Variants in CXCL17 observed in about 807,000 individuals in gnomAD.
CXCL17 encodes C-X-C motif chemokine ligand 17, also known as C-X-C motif chemokine 17.
In CXCL17, 9 loss-of-function variants were observed where a neutral mutation model predicts 15.5. That is an observed-to-expected ratio of 0.58 (90% CI 0.35 to 1.01). The LOEUF (loss-of-function observed/expected upper bound fraction) is 1.01, where lower values mean the gene tolerates loss of function less well. Ranked by LOEUF, CXCL17 falls within the 50% of genes least tolerant of loss-of-function variation. The pLI, the probability that CXCL17 is intolerant of heterozygous loss-of-function variation, is 0.02. For synonymous variants in CXCL17, 52 were observed against 52.3 expected (o/e 0.99, Z 0.02); for missense variants, 133 against 138.2 (o/e 0.96, Z 0.19).
At chr19:42,442,378 T>C (rs2147707395) in intron 1 of CXCL17, among the ~76,000 whole-genome samples, 1 of 151,872 alleles carries the variant, frequency 6.6e-6, no homozygotes, top group Middle Eastern at 3.4e-3. Flanking sequence ...GGACTACAGG[T>C]GCGTGCCACC....
intron 3 of CXCL17, among the ~76,000 whole-genome samples, chr19:42,431,874 C>G (rs2040784981): frequency 6.6e-6 from 1 of 151,804 alleles, no homozygotes; most frequent in Non-Finnish European, 1.5e-5. Context: ...TTAGTTTTTC[C>G]CAATTTGCCT....
At chr19:42,439,463 GAAA>G (rs56988688) in intron 1 of CXCL17, among the ~76,000 whole-genome samples, 1 of 147,540 alleles carries the variant, frequency 6.8e-6, no homozygotes, top group South Asian at 2.1e-4. Context: ...TGAATAACAA[GAAA>G]AAAAAAAGTA....
At chr19:42,432,141 G>GTTTTTTTTTTTTTTTTTTTTTTTTTTTT (rs370344388) in intron 3 of CXCL17, among the ~76,000 whole-genome samples, 1 of 108,622 alleles carries the variant, frequency 9.2e-6, no homozygotes. Flanking sequence ...TGCCAATTTA[G>GTTTTTTTTTTTTTTTTTTTTTTTTTTTT]TTTTTTTTTT....
chr19:42,438,308 A>C (rs1221971826), intron 1 of CXCL17, among the ~76,000 whole-genome samples: 26 of 133,274 alleles, frequency 2.0e-4, no homozygotes, highest in African/African-American at 6.3e-4. Context: ...CAGTGAGCCG[A>C]GATTGCACCA....
intron 3 of CXCL17, among the ~76,000 whole-genome samples, chr19:42,430,594 CA>C (rs537870150): frequency 0.11 from 9,000 of 85,146 alleles, 854 homozygotes; most frequent in African/African-American, 0.31. Context: ...AACTCCATCT[CA>C]AAAAAAAAAA....
At chr19:42,442,229 CTTT>C (rs10527944) in intron 1 of CXCL17, among the ~76,000 whole-genome samples, 2,643 of 121,628 alleles carry the variant, frequency 0.022, 38 homozygotes, top group African/African-American at 0.073. Context: ...CTTTTCTTTC[CTTT>C]TTTTTTTTTT....
At chr19:42,432,397 G>T (rs763216105) in intron 3 of CXCL17, among the ~76,000 whole-genome samples, 3 of 151,938 alleles carry the variant, frequency 2.0e-5, no homozygotes, top group Non-Finnish European at 4.4e-5. Flanking sequence ...CGCCTGCCTC[G>T]GCCTCCCAAA....
intron 1 of CXCL17, among the ~76,000 whole-genome samples, chr19:42,440,003 G>T (rs941282065): frequency 6.6e-6 from 1 of 152,258 alleles, no homozygotes; most frequent in East Asian, 1.9e-4. Context: ...GGTTACATAA[G>T]ATATTGTTTG....
At chr19:42,434,955 G>A (rs186112802) in intron 1 of CXCL17, among the ~76,000 whole-genome samples, 41 of 151,992 alleles carry the variant, frequency 2.7e-4, no homozygotes, top group African/African-American at 7.7e-4. Context: ...TGAGGCAGGC[G>A]GATCATGAGG....
intron 1 of CXCL17, among the ~76,000 whole-genome samples, chr19:42,441,171 T>C (rs2040888254): frequency 6.6e-6 from 1 of 152,144 alleles, no homozygotes; most frequent in Non-Finnish European, 1.5e-5. Flanking sequence ...ACCAAGTAGT[T>C]TGCAGCCTAG....
intron 1 of CXCL17, among the ~76,000 whole-genome samples, chr19:42,442,229 C>CTTTTT (rs10527944): frequency 2.0e-4 from 25 of 122,096 alleles, no homozygotes; most frequent in Non-Finnish European, 3.1e-4. Context: ...CTTTTCTTTC[C>CTTTTT]TTTTTTTTTT....
At chr19:42,439,266 AAAAAAAAAG>A (rs1392760886) in intron 1 of CXCL17, among the ~76,000 whole-genome samples, 2 of 151,506 alleles carry the variant, frequency 1.3e-5, no homozygotes, top group Admixed American at 6.6e-5. Flanking sequence ...AAAAAAAAAA[AAAAAAAAAG>A]AAAAAGAAAA....
intron 2 of CXCL17, 30 bp downstream of exon 2, chr19:42,433,746 C>T: frequency 1.3e-6 from 2 of 1,585,932 alleles, no homozygotes; most frequent in South Asian, 2.2e-5. Context: ...ATGGTGATGC[C>T]ATCGCTGTTG....
chr19:42,435,731 G>C (rs1002290870), intron 1 of CXCL17, among the ~76,000 whole-genome samples: 1 of 151,812 alleles, frequency 6.6e-6, no homozygotes, highest in African/African-American at 2.4e-5. Context: ...TTGGAAGGCT[G>C]AGGCAGGAGA....
chr19:42,429,751 C>T (rs917142472), intron 3 of CXCL17, among the ~76,000 whole-genome samples: 2 of 152,218 alleles, frequency 1.3e-5, no homozygotes, highest in Non-Finnish European at 2.9e-5. Context: ...AACACATTTT[C>T]CAGGGCTAAC....
At chr19:42,437,996 C>T (rs2147700754) in intron 1 of CXCL17, among the ~76,000 whole-genome samples, 1 of 152,016 alleles carries the variant, frequency 6.6e-6, no homozygotes, top group Middle Eastern at 3.4e-3. Context: ...CACATATACA[C>T]TTACGATAAA....
intron 1 of CXCL17, among the ~76,000 whole-genome samples, chr19:42,440,458 G>A (rs566527542): frequency 6.6e-6 from 1 of 152,282 alleles, no homozygotes; most frequent in African/African-American, 2.4e-5. Flanking sequence ...TGCTTGGCTG[G>A]GAAACAAGAT....
At chr19:42,429,110 C>G (rs1306704793) in intron 3 of CXCL17, 129 bp from the exon 4 acceptor site, 2 of 647,276 alleles carry the variant, frequency 3.1e-6, no homozygotes, top group African/African-American at 3.7e-5. Context: ...TCACTGCAAC[C>G]TCTGCCTCCC....
At chr19:42,440,490 T>A (rs8103108) in intron 1 of CXCL17, among the ~76,000 whole-genome samples, 2 of 152,102 alleles carry the variant, frequency 1.3e-5, no homozygotes, top group Non-Finnish European at 2.9e-5. Flanking sequence ...CGCCACCCAC[T>A]CGACGTGGTT....
Sources: gnomAD v4.1 joint callset for allele counts (sites outside exome capture counted in the v4.1 genomes callset) on GRCh38, gnomAD v4.1.1 for gene constraint, MANE v1.5 for transcripts, NCBI Gene and HGNC (gene_info 2026-07-23, HGNC 2026-07-21) for gene names.